Variants in NELFB observed in about 807,000 individuals in gnomAD.
NELFB encodes negative elongation factor complex member B.
Under a neutral mutation model 60.2 loss-of-function variants are expected in NELFB, and 34 were observed. The ratio of observed to expected loss-of-function variants is 0.56; its 90% CI spans 0.43 to 0.75. The LOEUF (loss-of-function observed/expected upper bound fraction) is 0.75, where lower values mean the gene tolerates loss of function less well. Among genes scored for constraint, NELFB ranks in the 30% least tolerant of loss-of-function variants. NELFB has a pLI of 0.00. For synonymous variants in NELFB, 459 were observed against 382.1 expected, an observed-to-expected ratio of 1.20 and a Z score of -2.35; for missense variants, 770 against 831.6, an observed-to-expected ratio of 0.93 and a Z score of 0.91.
chr9:137,263,591 T>C (rs13300843), intron 5 of NELFB, among the ~76,000 whole-genome samples: 1 of 150,342 alleles, frequency 6.7e-6, no homozygotes, highest in Non-Finnish European at 1.5e-5. Flanking sequence ...TTCTCTCCCA[T>C]GCCTGTTTCC....
At chr9:137,266,051 T>A in intron 7 of NELFB, 72 bp downstream of exon 7, 1 of 1,235,492 alleles carries the variant, frequency 8.1e-7, no homozygotes, top group Non-Finnish European at 1.2e-6. Flanking sequence ...GTGGTCAGGG[T>A]GTGGACAGCA....
At chr9:137,267,385 G>A in intron 10 of NELFB, 39 bp downstream of exon 10, 1 of 1,553,248 alleles carries the variant, frequency 6.4e-7, no homozygotes, top group Non-Finnish European at 8.7e-7. Flanking sequence ...TGTCTTCCCT[G>A]CGGCAGCTGC....
chr9:137,273,169 G>T lies in NELFB; in HGVS notation c.*241G>T, dbSNP rs1026530434. On this transcript the variant is annotated 3_prime_UTR_variant, in exon 13 of 13. Transcript: ENST00000343053. Reference sequence around the variant, plus strand: ...CCTTGTACTTTGGCAGCCATAGAAAGCGTGCTCATTTTCTGTTTTCCTGTG... The same window carrying T: ...CCTTGTACTTTGGCAGCCATAGAAATCGTGCTCATTTTCTGTTTTCCTGTG... 2 of 428,806 alleles carry T rather than the reference G, an allele frequency of 4.7e-6. No homozygotes were observed. The allele number at this position is 428,806 out of a possible 1,614,324, so 26.6% of individuals were successfully genotyped here.
At chr9:137,256,603 A>C (rs1837555813) in intron 3 of NELFB, among the ~76,000 whole-genome samples, 175 bp downstream of exon 3, 1 of 152,190 alleles carries the variant, frequency 6.6e-6, no homozygotes, top group Non-Finnish European at 1.5e-5. Context: ...TGGAGACCGA[A>C]CCTTAGCACT....
intron 1 of NELFB, 122 bp downstream of exon 1, chr9:137,255,733 G>C: frequency 3.5e-6 from 5 of 1,417,984 alleles, no homozygotes; most frequent in Non-Finnish European, 4.8e-6. Context: ...GTCCTGTTCT[G>C]GGGGTGGAGT....
chr9:137,256,687 G>T, intron 3 of NELFB, 137 bp from the exon 4 acceptor site: 1 of 813,518 alleles, frequency 1.2e-6, no homozygotes, highest in Non-Finnish European at 1.9e-6. Context: ...TGCTGGGGCC[G>T]GGGAACCAGT....
At chr9:137,262,115 G>C (rs914904734) in intron 4 of NELFB, among the ~76,000 whole-genome samples, 3 of 152,228 alleles carry the variant, frequency 2.0e-5, no homozygotes, top group African/African-American at 7.2e-5. Context: ...CATGAAGGCG[G>C]ACAAGGAGCG....
At chr9:137,271,930 C>T in intron 10 of NELFB, 151 bp from the exon 11 acceptor site, 1 of 946,534 alleles carries the variant, frequency 1.1e-6, no homozygotes, top group Non-Finnish European at 1.5e-6. Context: ...CCCCTCTTCA[C>T]CTGCTGAGAC....
In NELFB at chr9:137,272,603, G is replaced by T; in HGVS notation, c.1728G>T (p.Glu576Asp). The T allele has an allele frequency of 6.2e-7, 1 of 1,600,370 alleles. No individual in the cohort carries two copies. The highest frequency in any genetic ancestry group is 2.3e-5 in the East Asian group (1 of 44,148). ...TGGAGGCGTTGCAGAAGGCCCTGGA[G>T]CCTACAGGCCAGGTGGGTGCCCGGG... Residue 576 changes from glutamate (E) to aspartate (D), a missense_variant, in exon 12 of 13, where the codon GAG becomes GAT. Physicochemically the swap from Glu to Asp is conservative, Grantham distance 45. Coordinates refer to ENST00000343053, the MANE Select transcript of NELFB (RefSeq NM_015456.5).
Position 137,267,099 on chromosome 9 carries a change from G to A in NELFB, c.1382+13G>A. The A allele has an allele frequency of 1.9e-6, 3 of 1,613,918 alleles. No homozygotes were observed. Among genetic ancestry groups the A allele is most frequent in the Non-Finnish European group, 1.7e-6 (2 of 1,179,996 alleles). ...AAAGCTTCACTAAGTACGGGCTGTAGGGCCATGGTGCAGGGGTGGCCGTGG... is the reference window on the plus strand; with the variant it reads ...AAAGCTTCACTAAGTACGGGCTGTAAGGCCATGGTGCAGGGGTGGCCGTGG... On this transcript the variant is annotated intron_variant, in intron 9 of 12. Transcript: ENST00000343053.
chr9:137,268,782 G>C (rs1830549657), intron 10 of NELFB, among the ~76,000 whole-genome samples: 1 of 152,082 alleles, frequency 6.6e-6, no homozygotes, highest in African/African-American at 2.4e-5. Flanking sequence ...CAAGATGAGA[G>C]ACAAAGATGA....
intron 6 of NELFB, among the ~76,000 whole-genome samples, chr9:137,265,473 C>A (rs1022235565): frequency 7.2e-6 from 1 of 138,270 alleles, no homozygotes; most frequent in African/African-American, 2.7e-5. Flanking sequence ...ACTGCAAGCT[C>A]TGCCTCCCGG....
intron 4 of NELFB, among the ~76,000 whole-genome samples, chr9:137,260,923 GT>G (rs1830431872): frequency 6.6e-6 from 1 of 150,604 alleles, no homozygotes; most frequent in Admixed American, 6.6e-5. Context: ...ACCAGACCTG[GT>G]GGTGTGCGCC....
rs893987769 is a variant in NELFB, at chr9:137,269,382, T to C, written c.1489+2036T>C. Among the ~76,000 whole-genome samples, 3 of 152,166 alleles carry C rather than the reference T, an allele frequency of 2.0e-5. No individual in the cohort carries two copies. Among genetic ancestry groups the C allele is most frequent in the East Asian group, 1.9e-4 (1 of 5,194 alleles). On this transcript the variant is annotated intron_variant, in intron 10 of 12. Transcript: ENST00000343053. The surrounding 1 kb of genome is among the most constrained non-coding windows in gnomAD (Gnocchi z 5.3). ...GGAGGCTCTTGAGGGCATTGGGACA[T>C]CGTGCTGCCGGCCGCCGGGCAGAGC... is the stretch of plus-strand genomic sequence containing the variant.
At position 137,255,383 on chromosome 9, in the gene NELFB, C is replaced by G. The variant is rs1837532781; in HGVS notation, c.18C>G (p.Gly6=). 1 of 663,944 alleles carries G rather than the reference C, an allele frequency of 1.5e-6. No homozygotes were observed. The highest frequency in any genetic ancestry group is 2.1e-6 in the Non-Finnish European group (1 of 467,082). The allele number at this position is 663,944 out of a possible 1,614,324, so 41.1% of individuals were successfully genotyped here. ...GGCGGGACCTGGCCGAGCTGGAGGGCGCCGGGGAGCGGGGCTCGGGCGGTC... is the reference window on the plus strand; with the variant it reads ...GGCGGGACCTGGCCGAGCTGGAGGGGGCCGGGGAGCGGGGCTCGGGCGGTC... Residue 6 remains glycine, a synonymous_variant, in exon 1 of 13, where the codon GGC becomes GGG. Coordinates refer to ENST00000343053, the MANE Select transcript of NELFB (RefSeq NM_015456.5).
intron 6 of NELFB, 82 bp from the exon 7 acceptor site, chr9:137,265,795 C>G: frequency 1.1e-6 from 1 of 924,500 alleles, no homozygotes; most frequent in East Asian, 2.4e-5. Context: ...TGAATTCAGC[C>G]TAGGCCACCC....
chr9:137,255,820 C>T lies in NELFB; in HGVS notation c.247-87C>T, dbSNP rs1341807893. 4.5e-6 allele frequency: 7 copies of T among 1,563,992 alleles called. No individual in the cohort carries two copies. The Middle Eastern group carries it at 7.1e-4, about 158-fold the overall frequency. On this transcript the variant is annotated intron_variant, in intron 1 of 12. Coordinates refer to ENST00000343053, the MANE Select transcript of NELFB (RefSeq NM_015456.5). ...GTTACCGCCAGCACGGCTGGGAACA[C>T]CTGGGTGCGTGCCTCCCTGTGCTCT...
chr9:137,258,531 C>T (rs951911291), intron 4 of NELFB, among the ~76,000 whole-genome samples: 1 of 151,480 alleles, frequency 6.6e-6, no homozygotes, highest in Non-Finnish European at 1.5e-5. Context: ...TCACTGTAAC[C>T]TCTGCCTCCT....
At chr9:137,265,421 C>T (rs1830506284) in intron 6 of NELFB, among the ~76,000 whole-genome samples, 1 of 104,058 alleles carries the variant, frequency 9.6e-6, no homozygotes, top group Non-Finnish European at 1.8e-5. Flanking sequence ...CAGAGTCTCG[C>T]TCTCTTGCCC....
Sources: allele counts gnomAD v4.1 joint callset (sites outside exome capture counted in the v4.1 genomes callset), GRCh38; gene constraint gnomAD v4.1.1; non-coding constraint Gnocchi (gnomAD v3.1); transcripts MANE v1.5; gene names NCBI Gene and HGNC (gene_info 2026-07-23, HGNC 2026-07-21).